The following PHF24 variants were observed in gnomAD, a reference collection of about 807,000 sequenced individuals.
The protein encoded by PHF24 is PHD finger protein 24.
A neutral mutation model predicts 42.6 loss-of-function variants in PHF24; 25 were observed. The observed-to-expected ratio is 0.59, with a 90% CI of 0.43 to 0.82. The LOEUF (loss-of-function observed/expected upper bound fraction) is 0.82, where lower values mean the gene tolerates loss of function less well. Ranked by LOEUF, PHF24 falls within the 40% of genes least tolerant of loss-of-function variation. PHF24 has a pLI of 0.00. For synonymous variants in PHF24, 185 were observed against 204.8 expected (o/e 0.90, Z 0.83); for missense variants, 470 against 538.1 (o/e 0.87, Z 1.25).
chr9:34,946,156 A>G, the PHF24 span, among the ~76,000 whole-genome samples: 3 of 152,230 alleles, frequency 2.0e-5, no homozygotes, highest in Non-Finnish European at 4.4e-5. Context: ...GGAGGATTAA[A>G]TAAAATAATA....
At chr9:34,785,223 C>A in the PHF24 span, among the ~76,000 whole-genome samples, 1 of 152,190 alleles carries the variant, frequency 6.6e-6, no homozygotes, top group Admixed American at 6.5e-5. Context: ...CCAGAAGGGA[C>A]AAATGCTGTG....
the PHF24 span, chr9:34,836,064 A>C: frequency 1.7e-6 from 1 of 573,730 alleles, no homozygotes; most frequent in Non-Finnish European, 3.4e-6. Context: ...TGGAAAGAGA[A>C]ACATGGCAAA....
At chr9:34,823,215 A>G in the PHF24 span, among the ~76,000 whole-genome samples, 1 of 150,402 alleles carries the variant, frequency 6.6e-6, no homozygotes, top group Admixed American at 6.6e-5. Context: ...AAAAAAAAAA[A>G]AAAAAAAAAA....
the PHF24 span, among the ~76,000 whole-genome samples, chr9:34,863,729 C>T: frequency 0.45 from 68,281 of 151,966 alleles, 15,961 homozygotes; most frequent in East Asian, 0.67. Flanking sequence ...CTTTCAATAC[C>T]GAGACACCAA....
upstream of PHF24, among the ~76,000 whole-genome samples, chr9:34,957,903 C>T (rs1416412238): frequency 6.6e-6 from 1 of 151,896 alleles, no homozygotes; most frequent in Non-Finnish European, 1.5e-5. Context: ...TCCGGGCCGC[C>T]TCCTCCGGGC....
At chr9:34,929,618 A>G in the PHF24 span, among the ~76,000 whole-genome samples, 11 of 152,224 alleles carry the variant, frequency 7.2e-5, no homozygotes, top group Non-Finnish European at 1.5e-4. Flanking sequence ...GATTAAAGCA[A>G]TCAGATTTGC....
the PHF24 span, chr9:34,728,493 A>G: frequency 9.5e-6 from 9 of 947,252 alleles, no homozygotes; most frequent in African/African-American, 3.3e-5. Context: ...CAGTCTGGGG[A>G]ACTGGAGTCT....
chr9:34,930,642 T>C, the PHF24 span, among the ~76,000 whole-genome samples: 1 of 144,744 alleles, frequency 6.9e-6, no homozygotes, highest in South Asian at 2.3e-4. Context: ...TCTTCTCTTA[T>C]GGAATCTTGC....
the PHF24 span, among the ~76,000 whole-genome samples, chr9:34,929,765 T>C: frequency 1.3e-5 from 2 of 152,190 alleles, no homozygotes; most frequent in African/African-American, 2.4e-5. Context: ...CTGCAAGTAT[T>C]CAAATTTGTG....
the PHF24 span, among the ~76,000 whole-genome samples, chr9:34,912,895 A>G: frequency 1.3e-4 from 20 of 152,350 alleles, no homozygotes; most frequent in African/African-American, 4.1e-4. Context: ...TTATTAGACA[A>G]ATACCTTAAA....
chr9:34,830,146 AT>A, the PHF24 span, among the ~76,000 whole-genome samples: 1 of 152,196 alleles, frequency 6.6e-6, no homozygotes, highest in African/African-American at 2.4e-5. Flanking sequence ...CTGAGCTAGA[AT>A]TCTAAACTTC....
chr9:34,763,605 A>G, the PHF24 span, among the ~76,000 whole-genome samples: 1 of 152,072 alleles, frequency 6.6e-6, no homozygotes, highest in Non-Finnish European at 1.5e-5. Flanking sequence ...GGGCTGAGAC[A>G]ATGGGGTTTT....
the PHF24 span, among the ~76,000 whole-genome samples, chr9:34,944,598 C>G: frequency 6.6e-6 from 1 of 152,236 alleles, no homozygotes; most frequent in Non-Finnish European, 1.5e-5. Context: ...AGGGTCTTTA[C>G]AGCCAACATC....
chr9:34,852,031 C>T, the PHF24 span, among the ~76,000 whole-genome samples: 1 of 152,138 alleles, frequency 6.6e-6, no homozygotes, highest in Non-Finnish European at 1.5e-5. Flanking sequence ...TCTTCTGCCT[C>T]TGCCACCCCT....
the PHF24 span, among the ~76,000 whole-genome samples, chr9:34,881,865 G>C: frequency 6.6e-6 from 1 of 152,172 alleles, no homozygotes; most frequent in African/African-American, 2.4e-5. Context: ...CATTTGATGA[G>C]GCCAGCATCA....
the PHF24 span, among the ~76,000 whole-genome samples, chr9:34,753,822 A>G: frequency 6.6e-6 from 1 of 152,094 alleles, no homozygotes; most frequent in Admixed American, 6.5e-5. Context: ...ATAAACTCAG[A>G]AACAAATCCA....
the PHF24 span, among the ~76,000 whole-genome samples, chr9:34,763,732 A>G: frequency 6.6e-6 from 1 of 151,954 alleles, no homozygotes; most frequent in African/African-American, 2.4e-5. Flanking sequence ...TTCCAACACT[A>G]TGTTGAATAG....
the PHF24 span, among the ~76,000 whole-genome samples, chr9:34,674,165 C>T: frequency 6.6e-6 from 1 of 152,144 alleles, no homozygotes; most frequent in African/African-American, 2.4e-5. Flanking sequence ...CTGTATTATC[C>T]CTATTATACA....
At chr9:34,942,994 TATA>T in the PHF24 span, among the ~76,000 whole-genome samples, 1 of 151,606 alleles carries the variant, frequency 6.6e-6, no homozygotes, top group African/African-American at 2.4e-5. Context: ...GAACTTAAAG[TATA>T]ATAATAAAAA....
Sources: gnomAD v4.1 joint callset for allele counts (sites outside exome capture counted in the v4.1 genomes callset) on GRCh38, gnomAD v4.1.1 for gene constraint, MANE v1.5 for transcripts, NCBI Gene and HGNC (gene_info 2026-07-23, HGNC 2026-07-21) for gene names.